Variants in CTDSPL observed in about 807,000 individuals in gnomAD.
CTDSPL encodes CTD small phosphatase like, also known as CTD small phosphatase-like protein.
A neutral mutation model predicts 30.5 loss-of-function variants in CTDSPL; 8 were observed. The ratio of observed to expected loss-of-function variants is 0.26; its 90% CI spans 0.15 to 0.47. The LOEUF is 0.47. Ranked by LOEUF, CTDSPL falls within the 20% of genes least tolerant of loss-of-function variation. The pLI, the probability that CTDSPL is intolerant of heterozygous loss-of-function variation, is 0.99. For synonymous variants in CTDSPL, 110 were observed against 137.9 expected, an observed-to-expected ratio of 0.80 and a Z score of 1.42; for missense variants, 248 against 366.1, an observed-to-expected ratio of 0.68 and a Z score of 2.63.
In CTDSPL at chr3:37,928,002, A is replaced by G. The variant is rs1284999987; in HGVS notation, c.80-19055A>G. On this transcript the variant is annotated intron_variant, in intron 1 of 7. Transcript: ENST00000273179. ...ATATCCTTTATCTATGCTGTGGCAC[A>G]TGTCACAATTTCCTTCCTTTTTAAG... Among the ~76,000 whole-genome samples, 4 of 152,278 alleles carry G rather than the reference A, an allele frequency of 2.6e-5. No individual in the cohort carries two copies. In the South Asian group the frequency reaches 8.3e-4, roughly 32 times the overall value.
chr3:37,939,937 C>CT (rs199549497), intron 1 of CTDSPL, among the ~76,000 whole-genome samples: 9,271 of 149,930 alleles, frequency 0.062, 754 homozygotes, highest in African/African-American at 0.086. Context: ...ACTAAAAATA[C>CT]AAAAATTAGC....
At chr3:37,934,273 G>A (rs1031648527) in intron 1 of CTDSPL, among the ~76,000 whole-genome samples, 1 of 151,600 alleles carries the variant, frequency 6.6e-6, no homozygotes, top group Non-Finnish European at 1.5e-5. Context: ...ACTACAGTGA[G>A]CCATGATTGC....
Position 37,943,719 on chromosome 3 carries a change from G to A in CTDSPL, c.80-3338G>A, listed in dbSNP as rs1376562641. Among the ~76,000 whole-genome samples, 2 of 150,160 alleles carry A rather than the reference G, an allele frequency of 1.3e-5. 1 individual carries two copies. Among genetic ancestry groups the A allele is most frequent in the Non-Finnish European group, 3.0e-5 (2 of 67,024 alleles). ...TCTCATGTGTCTTATCAGTGGAAAC[G>A]TAAAGGGGGCAAGCGAGGAAAGGTG... On this transcript the variant is annotated intron_variant, in intron 1 of 7. Coordinates refer to ENST00000273179, the MANE Select transcript of CTDSPL (RefSeq NM_001008392.2).
At chr3:37,877,140 C>T (rs1237698117) in intron 1 of CTDSPL, among the ~76,000 whole-genome samples, 1 of 151,628 alleles carries the variant, frequency 6.6e-6, no homozygotes, top group African/African-American at 2.4e-5. Context: ...GTCTTAACTA[C>T]TTTTAAGTAT....
At position 37,941,747 on chromosome 3, in the gene CTDSPL, G is replaced by A. The variant is rs1426026865; in HGVS notation, c.80-5310G>A. ...GAAAGAGGGTGGTCCTTCAAAGCAG[G>A]CCTGCCCCGGGCTGAGCCTTGGGAA... On this transcript the variant is annotated intron_variant, in intron 1 of 7. Transcript: ENST00000273179. Among the ~76,000 whole-genome samples, 5 of 150,222 alleles carry A rather than the reference G, an allele frequency of 3.3e-5. 1 individual carries two copies. The highest frequency in any genetic ancestry group is 4.3e-4 in the South Asian group (2 of 4,666).
intron 1 of CTDSPL, among the ~76,000 whole-genome samples, chr3:37,910,852 T>TC (rs1698575207): frequency 6.6e-6 from 1 of 152,140 alleles, no homozygotes; most frequent in Admixed American, 6.5e-5. Flanking sequence ...AGGTGTGAGC[T>TC]CACCACATGT....
In CTDSPL at chr3:37,975,611, C is replaced by G. The variant is rs1384824751; in HGVS notation, c.520-98C>G. 9.4e-7 allele frequency: 1 copy of G among 1,060,140 alleles called. No homozygotes were observed. Among genetic ancestry groups the G allele is most frequent in the African/African-American group, 1.6e-5 (1 of 62,948 alleles). The allele number at this position is 1,060,140 out of a possible 1,614,324, so 65.7% of individuals were successfully genotyped here. ...CCTAAGACACATCTAATTATTAAAT[C>G]CATTTTTAAAAAACGTAATCTGGAT... On this transcript the variant is annotated intron_variant, in intron 6 of 7. Transcript: ENST00000273179. This position sits in a 1 kb window ranked among gnomAD's most constrained non-coding sequence, Gnocchi z 4.9.
At position 37,943,412 on chromosome 3, in the gene CTDSPL, G is replaced by A. The variant is rs1176130565; in HGVS notation, c.80-3645G>A. Among the ~76,000 whole-genome samples the A allele has an allele frequency of 2.0e-5, 3 of 149,944 alleles. 1 individual carries two copies. The Admixed American group carries it at 2.0e-4, about 10-fold the overall frequency. On this transcript the variant is annotated intron_variant, in intron 1 of 7. Coordinates refer to ENST00000273179, the MANE Select transcript of CTDSPL (RefSeq NM_001008392.2). ...GAGGAGTCTACCATGGAGGAAGCTA[G>A]GGAGTAAGGTGGGCAGGTGCTGGGT...
rs376850529 is a variant in CTDSPL, at chr3:37,886,362, C to T, written c.79+24084C>T. The stretch of plus-strand genomic sequence containing the variant: ...CCCTCACAGCCTCACATCTGGGTCT[C>T]TGTCCCCTCACTAGGATGTCTGCCC... On this transcript the variant is annotated intron_variant, in intron 1 of 7. Coordinates refer to ENST00000273179, the MANE Select transcript of CTDSPL (RefSeq NM_001008392.2). Among the ~76,000 whole-genome samples, 18 of 152,284 alleles carry T rather than the reference C, an allele frequency of 1.2e-4. 1 individual carries two copies. In the South Asian group the frequency reaches 2.9e-3, roughly 25 times the overall value.
chr3:37,955,806 T>C (rs1559643733), intron 2 of CTDSPL, among the ~76,000 whole-genome samples: 1 of 152,010 alleles, frequency 6.6e-6, no homozygotes, highest in East Asian at 1.9e-4. Context: ...GATTTACCTA[T>C]ATAACAAACC....
rs1301579520 is a variant in CTDSPL, at chr3:37,980,941, C to T, written c.*74C>T. ...TCAGGGGACCTGCCTGTCCTCAGCT[C>T]CCTGGGAGCTGAAAGTGAGGATACT... On this transcript the variant is annotated 3_prime_UTR_variant, in exon 8 of 8. Coordinates refer to ENST00000273179, the MANE Select transcript of CTDSPL (RefSeq NM_001008392.2). 2.2e-5 allele frequency: 33 copies of T among 1,525,260 alleles called. No individual in the cohort carries two copies. The highest frequency in any genetic ancestry group is 4.1e-5 in the African/African-American group (3 of 73,052). The allele number at this position is 1,525,260 out of a possible 1,614,324, so 94.5% of individuals were successfully genotyped here.
chr3:37,982,067 A>G lies in CTDSPL; in HGVS notation c.*1200A>G, dbSNP rs528588196. On this transcript the variant is annotated 3_prime_UTR_variant, in exon 8 of 8. Coordinates refer to ENST00000273179, the MANE Select transcript of CTDSPL (RefSeq NM_001008392.2). ...AAGGGTACAAAGGCAAAAGGACCAC[A>G]GCACCACTTAGGTGTAGCATGGATT... 5 of 355,380 alleles carry G rather than the reference A, an allele frequency of 1.4e-5. No homozygotes were observed. Among genetic ancestry groups the G allele is most frequent in the South Asian group, 1.1e-4 (5 of 47,536 alleles). The allele number at this position is 355,380 out of a possible 1,614,324, so 22.0% of individuals were successfully genotyped here. A position where few individuals can be genotyped will look rare whatever the true frequency, so the allele number is the denominator to read the frequency against.
chr3:37,873,113 TA>T (rs772805375), intron 1 of CTDSPL, among the ~76,000 whole-genome samples: 13 of 152,146 alleles, frequency 8.5e-5, no homozygotes, highest in Non-Finnish European at 1.5e-4. Context: ...GGGAGCTCAT[TA>T]CCAGCTTTCA....
Position 37,971,448 on chromosome 3 carries a change from G to C in CTDSPL, c.468G>C (p.Gln156His). The part of the protein sequence containing the change: ...LKRPHVDEFL[Q>H]RMGQLFECVL... The stretch of plus-strand genomic sequence containing the variant: ...GGCCACATGTGGACGAGTTCCTCCA[G>C]AGGATGGGGCAGCTTTTTGAATGTG... Residue 156 changes from glutamine to histidine, a missense_variant, in exon 6 of 8, where the codon CAG (glutamine) becomes CAC (histidine). By Grantham distance (24) the Gln-to-His change is conservative. Transcript: ENST00000273179. 6.2e-7 allele frequency: 1 copy of C among 1,614,208 alleles called. No individual in the cohort carries two copies. Among genetic ancestry groups the C allele is most frequent in the Non-Finnish European group, 8.5e-7 (1 of 1,180,028 alleles).
At chr3:37,950,388 T>G (rs993541751) in intron 2 of CTDSPL, among the ~76,000 whole-genome samples, 3 of 151,702 alleles carry the variant, frequency 2.0e-5, no homozygotes, top group African/African-American at 7.3e-5. Context: ...ATGGAAGAGA[T>G]GGAAGAGAAC....
intron 1 of CTDSPL, among the ~76,000 whole-genome samples, chr3:37,896,382 A>T (rs1341369306): frequency 6.6e-6 from 1 of 152,130 alleles, no homozygotes; most frequent in Non-Finnish European, 1.5e-5. Context: ...AAGGTGCAGG[A>T]GTCTGTGTAG....
At chr3:37,867,036 A>T (rs749308466) in intron 1 of CTDSPL, among the ~76,000 whole-genome samples, 2 of 152,218 alleles carry the variant, frequency 1.3e-5, no homozygotes, top group Admixed American at 6.5e-5. Context: ...TGACATTGAT[A>T]TAGTCAAGGT....
chr3:37,929,324 G>A (rs1298616533), intron 1 of CTDSPL, among the ~76,000 whole-genome samples: 2 of 152,136 alleles, frequency 1.3e-5, no homozygotes, highest in Non-Finnish European at 2.9e-5. Context: ...AAAAACAAAA[G>A]CCGTTTGGAT....
At chr3:37,865,327 G>A (rs1424894798) in intron 1 of CTDSPL, among the ~76,000 whole-genome samples, 1 of 152,240 alleles carries the variant, frequency 6.6e-6, no homozygotes, top group Non-Finnish European at 1.5e-5. Context: ...CAAGAAAGTC[G>A]TAGAGGAAGA....
Sources: gnomAD v4.1 joint callset for allele counts (sites outside exome capture counted in the v4.1 genomes callset) on GRCh38, gnomAD v4.1.1 for gene constraint, Gnocchi (gnomAD v3.1) non-coding constraint, MANE v1.5 for transcripts, NCBI Gene and HGNC (gene_info 2026-07-23, HGNC 2026-07-21) for gene names.